FAT3: variants seen among roughly 807,000 people sequenced by gnomAD.
The protein encoded by FAT3 is FAT atypical cadherin 3, also known as protocadherin Fat 3.
Under a neutral mutation model 310.2 loss-of-function variants are expected in FAT3, and 95 were observed. The observed-to-expected ratio is 0.31, with a 90% CI of 0.26 to 0.36. FAT3 has a LOEUF of 0.36. FAT3 is among the 10% of genes least tolerant of loss of function. The pLI is 1.00. For synonymous variants in FAT3, 2,314 were observed against 2,192.9 expected (o/e 1.06, Z -1.54); for missense variants, 5,408 against 5,715.6 (o/e 0.95, Z 1.74).
chr11:92,781,359 C>T (rs1024239256), intron 7 of FAT3, among the ~76,000 whole-genome samples: 1 of 151,644 alleles, frequency 6.6e-6, no homozygotes, highest in African/African-American at 2.4e-5. Context: ...CCACCGCGCC[C>T]GGCCATAAGG....
Position 92,594,339 on chromosome 11 carries a change from A to C in FAT3, c.3607+69391A>C, listed in dbSNP as rs1047759076. Among the ~76,000 whole-genome samples the C allele has an allele frequency of 3.9e-5, 6 of 152,142 alleles. No individual in the cohort carries two copies. In the South Asian group the frequency reaches 6.2e-4, roughly 16 times the overall value. On this transcript the variant is annotated intron_variant, in intron 3 of 27. Transcript: ENST00000525166. Reference sequence around the variant, plus strand: ...GCTCCTGTAATCCCAGCTACTCAGGAGGCTAAGGCAGGAGAATCACTGAAC... The same window carrying C: ...GCTCCTGTAATCCCAGCTACTCAGGCGGCTAAGGCAGGAGAATCACTGAAC...
intron 3 of FAT3, among the ~76,000 whole-genome samples, chr11:92,609,183 TG>T (rs1940446912): frequency 6.6e-6 from 1 of 152,238 alleles, no homozygotes; most frequent in Admixed American, 6.5e-5. Flanking sequence ...GTGGTTCAGT[TG>T]TCAGAACTCT....
At chr11:92,882,592 C>CCA (rs1555169710) in intron 23 of FAT3, 146 bp from the exon 24 acceptor site, 1 of 563,490 alleles carries the variant, frequency 1.8e-6, no homozygotes, top group African/African-American at 2.2e-5. Context: ...CCCTCCCCCC[C>CCA]CCCACCAACC....
chr11:92,597,993 A>G (rs1209734734), intron 3 of FAT3, among the ~76,000 whole-genome samples: 1 of 152,088 alleles, frequency 6.6e-6, no homozygotes, highest in Admixed American at 6.6e-5. Flanking sequence ...GGAATGATCA[A>G]ACATGAACTT....
At chr11:92,888,018 A>G (rs965895356) in intron 25 of FAT3, among the ~76,000 whole-genome samples, 2 of 152,220 alleles carry the variant, frequency 1.3e-5, no homozygotes, top group East Asian at 1.9e-4. Context: ...AATTTTTTGC[A>G]TGTGCTGAGT....
chr11:92,872,369 A>G (rs1488091745), intron 22 of FAT3, among the ~76,000 whole-genome samples: 1 of 152,234 alleles, frequency 6.6e-6, no homozygotes, highest in Non-Finnish European at 1.5e-5. Context: ...AAGGGAACTG[A>G]ACAGGGTTCC....
chr11:92,347,079 T>C (rs1394362321), intron 1 of FAT3, among the ~76,000 whole-genome samples: 1 of 152,218 alleles, frequency 6.6e-6, no homozygotes, highest in Non-Finnish European at 1.5e-5. Context: ...TATAGAAGAA[T>C]AAACTGAGGT....
At chr11:92,755,070 G>C (rs376893200) in intron 4 of FAT3, among the ~76,000 whole-genome samples, 1 of 152,156 alleles carries the variant, frequency 6.6e-6, no homozygotes, top group African/African-American at 2.4e-5. Context: ...AGACAGGAGG[G>C]ATTGGTAATG....
intron 3 of FAT3, among the ~76,000 whole-genome samples, chr11:92,572,369 C>A (rs746399247): frequency 1.3e-4 from 20 of 152,106 alleles, no homozygotes; most frequent in Non-Finnish European, 2.6e-4. Context: ...GAAATGATAA[C>A]CCTGAACATG....
At chr11:92,472,807 C>T (rs1325050827) in intron 2 of FAT3, among the ~76,000 whole-genome samples, 1 of 152,140 alleles carries the variant, frequency 6.6e-6, no homozygotes, top group Non-Finnish European at 1.5e-5. Context: ...GCGATTAAAC[C>T]CTTCTGGAGA....
Position 92,774,064 on chromosome 11 carries a change from G to A in FAT3, c.4219G>A (p.Asp1407Asn). ...IVGGNFDSAF[D>N]AEKGVGTIVI... Reference sequence around the variant, plus strand: ...AGGGGGGAATTTTGACAGCGCTTTTGATGCAGAGAAGGGTGTTGGGACAAT... The same window carrying A: ...AGGGGGGAATTTTGACAGCGCTTTTAATGCAGAGAAGGGTGTTGGGACAAT... Residue 1407 changes from aspartate (D) to asparagine (N), a missense_variant, in exon 7 of 28, where the codon GAT becomes AAT. This residue lies in a region of FAT3 where 4,588 missense variants were observed against 4,809.8 expected (regional missense o/e 0.95). Coordinates refer to ENST00000525166, the MANE Select transcript of FAT3 (RefSeq NM_001367949.2). The A allele has an allele frequency of 6.2e-7, 1 of 1,613,160 alleles. No homozygotes were observed.
At chr11:92,575,413 T>C (rs763219940) in intron 3 of FAT3, among the ~76,000 whole-genome samples, 3 of 152,212 alleles carry the variant, frequency 2.0e-5, no homozygotes, top group Non-Finnish European at 4.4e-5. Context: ...GTTAGTTAAA[T>C]GTATAAGATG....
chr11:92,400,659 A>G (rs1484824486), intron 2 of FAT3: 1 of 151,994 alleles, frequency 6.6e-6, no homozygotes, highest in Non-Finnish European at 1.5e-5. Flanking sequence ...AAAGAAACAG[A>G]CACTTGGACA....
chr11:92,253,001 GA>G (rs1371158590), intron 1 of FAT3, among the ~76,000 whole-genome samples: 1 of 152,104 alleles, frequency 6.6e-6, no homozygotes, highest in Non-Finnish European at 1.5e-5. Context: ...TAGGCAGCTT[GA>G]CTATCACACT....
At position 92,798,275 on chromosome 11, in the gene FAT3, A is replaced by G; in HGVS notation, c.5262A>G (p.Thr1754=). 6.2e-7 allele frequency: 1 copy of G among 1,613,924 alleles called. No individual in the cohort carries two copies. The highest frequency in any genetic ancestry group is 8.5e-7 in the Non-Finnish European group (1 of 1,179,854). ...TGGCAGGAATGGCTTCCAATGCTAC[A>G]GTCAATATTCAGATTGTTGATGAAA... ...TNMAGMASNA[T]VNIQIVDEND... is the part of the protein sequence containing the mutation. The change falls in exon 10 of 28, where the codon ACA becomes ACG. Residue 1754 remains threonine, a synonymous_variant. Coordinates refer to ENST00000525166, the MANE Select transcript of FAT3 (RefSeq NM_001367949.2).
intron 3 of FAT3, among the ~76,000 whole-genome samples, chr11:92,691,467 C>T (rs905315190): frequency 1.3e-5 from 2 of 152,086 alleles, no homozygotes; most frequent in Non-Finnish European, 2.9e-5. Flanking sequence ...GTAATCATAG[C>T]TCAGTGTAAC....
At chr11:92,805,619 A>C (rs1052398049) in intron 11 of FAT3, among the ~76,000 whole-genome samples, 2 of 152,036 alleles carry the variant, frequency 1.3e-5, no homozygotes, top group Admixed American at 6.5e-5. Flanking sequence ...TTTTTGAGTA[A>C]TTCATAAAGG....
intron 3 of FAT3, among the ~76,000 whole-genome samples, chr11:92,531,952 C>T (rs1435292476): frequency 1.3e-5 from 2 of 151,972 alleles, no homozygotes; most frequent in Non-Finnish European, 2.9e-5. Context: ...TTGTGACAAC[C>T]AAAATATCAC....
Position 92,250,980 on chromosome 11 carries a change from G to A in FAT3, c.-18+25806G>A, listed in dbSNP as rs1165339514. ...TGCTACAGAAAGTCAAATCAATGGA[G>A]TGATGTGATAAAGATAGTCATATTT... On this transcript the variant is annotated intron_variant, in intron 1 of 27. Coordinates refer to ENST00000525166, the MANE Select transcript of FAT3 (RefSeq NM_001367949.2). Among the ~76,000 whole-genome samples, 3 of 152,244 alleles carry A rather than the reference G, an allele frequency of 2.0e-5. No individual in the cohort carries two copies. In the East Asian group the frequency reaches 5.8e-4, roughly 29 times the overall value.
Sources: gnomAD v4.1 joint callset for allele counts (sites outside exome capture counted in the v4.1 genomes callset) on GRCh38, gnomAD v4.1.1 for gene constraint, gnomAD v4.1.1 regional missense constraint, MANE v1.5 for transcripts, NCBI Gene and HGNC (gene_info 2026-07-23, HGNC 2026-07-21) for gene names.